Variants in ARHGEF11 observed in about 807,000 individuals in gnomAD.
The protein encoded by ARHGEF11 is Rho guanine exchange factor (GEF) 11.
Under a neutral mutation model 193.7 loss-of-function variants are expected in ARHGEF11, and 55 were observed. That is an observed-to-expected ratio of 0.28 (90% CI 0.23 to 0.36). The LOEUF (loss-of-function observed/expected upper bound fraction) is 0.36, where lower values mean the gene tolerates loss of function less well. Among genes scored for constraint, ARHGEF11 ranks in the 10% least tolerant of loss-of-function variants. ARHGEF11 has a pLI of 1.00. For missense variants in ARHGEF11, 1,723 were observed against 2,005.6 expected (o/e 0.86, Z 2.69); for synonymous variants, 693 against 768.0 (o/e 0.90, Z 1.62).
intron 5 of ARHGEF11, among the ~76,000 whole-genome samples, chr1:156,978,914 G>A (rs1663669470): frequency 6.6e-6 from 1 of 152,240 alleles, no homozygotes; most frequent in African/African-American, 2.4e-5. Flanking sequence ...GTCCATGAAT[G>A]GCAGAGGGAA....
intron 18 of ARHGEF11, among the ~76,000 whole-genome samples, chr1:156,957,132 A>C (rs985383432): frequency 2.0e-5 from 3 of 152,154 alleles, no homozygotes; most frequent in Non-Finnish European, 2.9e-5. Context: ...AGCTCTGTTT[A>C]AAAATGTCCT....
chr1:157,037,755 G>A (rs1007707576), intron 1 of ARHGEF11, among the ~76,000 whole-genome samples: 2 of 152,132 alleles, frequency 1.3e-5, no homozygotes, highest in African/African-American at 4.8e-5. Context: ...TTGAGGCCAT[G>A]CACGGTGGCT....
At chr1:156,985,104 T>A (rs1450772904) in intron 2 of ARHGEF11, among the ~76,000 whole-genome samples, 3 of 152,126 alleles carry the variant, frequency 2.0e-5, no homozygotes, top group African/African-American at 7.2e-5. Context: ...GAGTGTATAC[T>A]AGACATCGTA....
In ARHGEF11 at chr1:156,969,354, C is replaced by T; in HGVS notation, c.753G>A (p.Arg251=). The stretch of plus-strand genomic sequence containing the variant: ...CCCCCTCCTGGGAATCCAGAGAGAG[C>T]CGGCCTGAGAAGAAAATAGTTTCTA... The part of the protein sequence containing the change: ...GDTSQRPSEG[R]LSLDSQEGDS... Residue 251 remains arginine, a synonymous_variant, in exon 10 of 41, where the codon CGG becomes CGA. Coordinates refer to ENST00000368194, the MANE Select transcript of ARHGEF11 (RefSeq NM_198236.3). 1 of 1,606,380 alleles carries T rather than the reference C, an allele frequency of 6.2e-7. No individual in the cohort carries two copies. The highest frequency in any genetic ancestry group is 8.5e-7 in the Non-Finnish European group (1 of 1,176,044).
intron 32 of ARHGEF11, 62 bp downstream of exon 32, chr1:156,943,873 C>T (rs901933790): frequency 6.4e-7 from 1 of 1,555,704 alleles, no homozygotes; most frequent in Non-Finnish European, 8.7e-7. Flanking sequence ...CCCTGCCTCA[C>T]CCAGCACTTG....
intron 14 of ARHGEF11, 61 bp from the exon 15 acceptor site, chr1:156,960,521 G>C (rs930773387): frequency 1.2e-5 from 18 of 1,554,108 alleles, no homozygotes; most frequent in Non-Finnish European, 1.6e-5. Context: ...GAGATGAGCA[G>C]TGTGCAAGGC....
chr1:156,970,669 G>C (rs973401145), intron 8 of ARHGEF11, among the ~76,000 whole-genome samples: 3 of 152,180 alleles, frequency 2.0e-5, no homozygotes, highest in Non-Finnish European at 4.4e-5. Context: ...CAGATTCCAA[G>C]CTTAGTTTCT....
At chr1:156,938,773 A>C in intron 37 of ARHGEF11, 1 of 445,220 alleles carries the variant, frequency 2.2e-6, no homozygotes, top group Non-Finnish European at 4.0e-6. Context: ...ATGGAATGAA[A>C]AATGCTGCTG....
chr1:156,998,049 C>T (rs1043005917), intron 1 of ARHGEF11, among the ~76,000 whole-genome samples: 2 of 152,158 alleles, frequency 1.3e-5, no homozygotes, highest in Non-Finnish European at 2.9e-5. Flanking sequence ...CCTCCAGGAA[C>T]TTCTGTCTCC....
At chr1:156,946,500 T>A (rs1442767009) in intron 28 of ARHGEF11, among the ~76,000 whole-genome samples, 162 bp downstream of exon 28, 1 of 152,072 alleles carries the variant, frequency 6.6e-6, no homozygotes, top group Admixed American at 6.5e-5. Context: ...CAAACAGAAG[T>A]CTCTTTGTCT....
In ARHGEF11 at chr1:156,944,426, T is replaced by G; in HGVS notation, c.2999A>C (p.Asp1000Ala). Residue 1000 changes from aspartate (D) to alanine (A), a missense_variant, in exon 31 of 41, where the codon GAT becomes GCT. By Grantham distance (126) the Asp-to-Ala change is moderately radical (BLOSUM62 -2). Around this residue, in one of 5 missense-constraint regions of ARHGEF11, gnomAD observed 491 missense variants for 654.5 expected, o/e 0.75. Coordinates refer to ENST00000368194, the MANE Select transcript of ARHGEF11 (RefSeq NM_198236.3). Reference sequence around the variant, plus strand: ...ATGGATCATTTTTCTGGTTGTAAGATCCAGGCTCTGTTAAGGAGACACCAT... The same window carrying G: ...ATGGATCATTTTTCTGGTTGTAAGAGCCAGGCTCTGTTAAGGAGACACCAT... ...NPLAAEFKSL[D>A]LTTRKMIHEG... 6.2e-7 allele frequency: 1 copy of G among 1,611,562 alleles called. No individual in the cohort carries two copies. Among genetic ancestry groups the G allele is most frequent in the Non-Finnish European group, 8.5e-7 (1 of 1,179,732 alleles).
chr1:157,010,418 T>C (rs190137183), intron 1 of ARHGEF11, among the ~76,000 whole-genome samples: 6 of 151,692 alleles, frequency 4.0e-5, no homozygotes, highest in East Asian at 1.9e-4. Context: ...ATATGAAAAA[T>C]TGCATTTCTT....
intron 10 of ARHGEF11, 34 bp from the exon 11 acceptor site, chr1:156,968,158 T>C (rs747308673): frequency 1.3e-6 from 2 of 1,586,592 alleles, no homozygotes; most frequent in Non-Finnish European, 1.7e-6. Context: ...AGAAGGAACC[T>C]TGTCCGGAAG....
At chr1:157,030,847 C>G (rs1340491711) in intron 1 of ARHGEF11, among the ~76,000 whole-genome samples, 1 of 152,146 alleles carries the variant, frequency 6.6e-6, no homozygotes, top group Admixed American at 6.6e-5. Flanking sequence ...CCAAATACAT[C>G]TTGTAGTGCA....
chr1:157,022,207 A>G (rs1670065361), intron 1 of ARHGEF11, among the ~76,000 whole-genome samples: 1 of 152,210 alleles, frequency 6.6e-6, no homozygotes, highest in African/African-American at 2.4e-5. Flanking sequence ...AGAAAAAGAA[A>G]TAGCCATCCA....
chr1:156,959,054 G>T lies in ARHGEF11; in HGVS notation c.1371C>A (p.His457Gln). 1.2e-6 allele frequency: 2 copies of T among 1,614,240 alleles called. No homozygotes were observed. The highest frequency in any genetic ancestry group is 1.7e-6 in the Non-Finnish European group (2 of 1,180,036). Residue 457 changes from histidine to glutamine, a missense_variant, in exon 16 of 41, where the codon CAC becomes CAA. His to Gln is a conservative substitution (Grantham distance 24, BLOSUM62 0). Transcript: ENST00000368194. ...AAMPEIQEQI[H>Q]DYRTKRTLGL... ...TCAGCTCCTGGGCCAACCTGTAGTC[G>T]TGGATCTGCTCTTGGATCTCAGGCA...
At chr1:157,022,803 GAC>G (rs770716994) in intron 1 of ARHGEF11, among the ~76,000 whole-genome samples, 2 of 152,140 alleles carry the variant, frequency 1.3e-5, no homozygotes, top group Non-Finnish European at 2.9e-5. Context: ...CTGGCATAAT[GAC>G]AGAGATCAAT....
intron 1 of ARHGEF11, among the ~76,000 whole-genome samples, chr1:157,040,582 C>A (rs904878178): frequency 2.6e-5 from 4 of 152,208 alleles, no homozygotes; most frequent in African/African-American, 9.7e-5. Flanking sequence ...CTTCTCTTCT[C>A]ACATTCTTCT....
At position 156,942,684 on chromosome 1, in the gene ARHGEF11, T is replaced by G. The variant is rs1428290988; in HGVS notation, c.3326+6A>C. 6.8e-6 allele frequency: 11 copies of G among 1,613,178 alleles called. No individual in the cohort carries two copies. Among genetic ancestry groups the G allele is most frequent in the African/African-American group, 1.3e-5 (1 of 74,914 alleles). On this transcript the variant is annotated splice_donor_region_variant and intron_variant, in intron 33 of 40. Coordinates refer to ENST00000368194, the MANE Select transcript of ARHGEF11 (RefSeq NM_198236.3). The stretch of plus-strand genomic sequence containing the variant: ...AGTTACGGGTAACCCCTCAATCAAT[T>G]CTCACGTGTTCTTGTCTGATGACGT...
Sources: gnomAD v4.1 joint callset for allele counts (sites outside exome capture counted in the v4.1 genomes callset) on GRCh38, gnomAD v4.1.1 for gene constraint, gnomAD v4.1.1 regional missense constraint, MANE v1.5 for transcripts, NCBI Gene and HGNC (gene_info 2026-07-23, HGNC 2026-07-21) for gene names.